NECTIN3: variants seen among roughly 807,000 people sequenced by gnomAD.
NECTIN3 encodes the protein nectin cell adhesion molecule 3, also known as nectin-3.
Under a neutral mutation model 49.4 loss-of-function variants are expected in NECTIN3, and 8 were observed. The ratio of observed to expected loss-of-function variants is 0.16; its 90% CI spans 0.10 to 0.29. NECTIN3 has a LOEUF of 0.29. NECTIN3 is among the 10% of genes least tolerant of loss of function. The probability of loss-of-function intolerance (pLI) is 1.00; values close to 1 mark genes in which losing one functional copy is unlikely to be tolerated. For missense variants in NECTIN3, 581 were observed against 654.6 expected (o/e 0.89, Z 1.23); for synonymous variants, 277 against 241.1 (o/e 1.15, Z -1.38).
chr3:111,153,070 A>AT (rs956928152), intron 7 of NECTIN3, among the ~76,000 whole-genome samples: 4 of 151,900 alleles, frequency 2.6e-5, no homozygotes, highest in Non-Finnish European at 5.9e-5. Context: ...AAGAGTTAAC[A>AT]TTTTTTTCCA....
intron 5 of NECTIN3, among the ~76,000 whole-genome samples, chr3:111,130,078 T>A (rs1464279026): frequency 2.0e-5 from 3 of 150,996 alleles, no homozygotes; most frequent in Non-Finnish European, 4.4e-5. Flanking sequence ...TGCCTCAGCC[T>A]CCCAAGCAGC....
At chr3:111,077,426 C>T (rs1028463414) in intron 1 of NECTIN3, 3 of 209,846 alleles carry the variant, frequency 1.4e-5, no homozygotes, top group African/African-American at 6.9e-5. Context: ...AGGCTTTCAG[C>T]CTAGGTTTTA....
chr3:111,126,406 C>T, intron 5 of NECTIN3, 71 bp downstream of exon 5: 1 of 1,279,744 alleles, frequency 7.8e-7, no homozygotes, highest in Non-Finnish European at 1.1e-6. Flanking sequence ...CAATATGATC[C>T]TAAGCAATAA....
At position 111,136,781 on chromosome 3, in the gene NECTIN3, C is replaced by T. The variant is rs2034592435; in HGVS notation, c.*2566C>T. 1.1e-6 allele frequency: 1 copy of T among 933,776 alleles called. No individual in the cohort carries two copies. The highest frequency in any genetic ancestry group is 1.8e-5 in the African/African-American group (1 of 55,816). The allele number at this position is 933,776 out of a possible 1,614,324, so 57.8% of individuals were successfully genotyped here. A position where few individuals can be genotyped will look rare whatever the true frequency, so the allele number is the denominator to read the frequency against. Reference sequence around the variant, plus strand: ...GTAAATTCACTTGAGAGTTTTCTTTCATACTGGTTAAAATATTTCAATGAT... The same window carrying T: ...GTAAATTCACTTGAGAGTTTTCTTTTATACTGGTTAAAATATTTCAATGAT... On this transcript the variant is annotated 3_prime_UTR_variant, in exon 6 of 6. Coordinates refer to ENST00000485303, the MANE Select transcript of NECTIN3 (RefSeq NM_015480.3).
At chr3:111,190,413 T>G (rs2035794569), upstream of NECTIN3, among the ~76,000 whole-genome samples, 3 of 152,178 alleles carry the variant, frequency 2.0e-5, no homozygotes, top group Admixed American at 1.3e-4. Flanking sequence ...GGTAGAGGGA[T>G]GGAGGAGGAT....
At chr3:111,072,754 A>G (rs2030878750) in intron 1 of NECTIN3, 5 of 609,004 alleles carry the variant, frequency 8.2e-6, no homozygotes, top group Non-Finnish European at 1.1e-5. Context: ...GGAGCTCTCT[A>G]GATTGACCCT....
chr3:111,096,335 CTT>C (rs1055908585), intron 1 of NECTIN3, among the ~76,000 whole-genome samples: 1 of 152,134 alleles, frequency 6.6e-6, no homozygotes, highest in Non-Finnish European at 1.5e-5. Flanking sequence ...CAAGAGGTGA[CTT>C]GGGTGCTATT....
At chr3:111,103,557 G>A (rs2033024997) in intron 1 of NECTIN3, among the ~76,000 whole-genome samples, 1 of 150,692 alleles carries the variant, frequency 6.6e-6, no homozygotes, top group South Asian at 2.1e-4. Context: ...TTTTTGATTA[G>A]AAAGGAAGTT....
chr3:111,137,461 T>C lies in NECTIN3; in HGVS notation c.*3246T>C. The C allele has an allele frequency of 1.0e-6, 1 of 963,146 alleles. No homozygotes were observed. The highest frequency in any genetic ancestry group is 1.2e-6 in the Non-Finnish European group (1 of 812,634). The allele number at this position is 963,146 out of a possible 1,614,324, so 59.7% of individuals were successfully genotyped here. Reference sequence around the variant, plus strand: ...GTGTTTTTTGTTTTGTTTTGTTTTGTTTTGTTTTTTCTTTTTTAACCAACC... The same window carrying C: ...GTGTTTTTTGTTTTGTTTTGTTTTGCTTTGTTTTTTCTTTTTTAACCAACC... On this transcript the variant is annotated 3_prime_UTR_variant, in exon 6 of 6. Coordinates refer to ENST00000485303, the MANE Select transcript of NECTIN3 (RefSeq NM_015480.3).
intron 7 of NECTIN3, among the ~76,000 whole-genome samples, chr3:111,168,631 A>C (rs1291137201): frequency 6.6e-6 from 1 of 152,206 alleles, no homozygotes; most frequent in Non-Finnish European, 1.5e-5. Flanking sequence ...TAATCAATCA[A>C]AGGTGTTTGA....
intron 6 of NECTIN3, chr3:111,147,384 T>G (rs1246043264): frequency 1.1e-5 from 16 of 1,488,570 alleles, no homozygotes; most frequent in Non-Finnish European, 1.4e-5. Context: ...AATCACATAT[T>G]TTAACCTTTG....
intron 1 of NECTIN3, among the ~76,000 whole-genome samples, chr3:111,081,111 G>A (rs932120582): frequency 3.3e-5 from 5 of 152,112 alleles, no homozygotes; most frequent in East Asian, 1.9e-4. Flanking sequence ...CCTCGTCTCT[G>A]CCAATAAATA....
At chr3:111,170,145 C>T (rs1439036565) in intron 7 of NECTIN3, among the ~76,000 whole-genome samples, 1 of 152,108 alleles carries the variant, frequency 6.6e-6, no homozygotes, top group Admixed American at 6.5e-5. Flanking sequence ...AATATTGAAG[C>T]ATAAATCTCC....
At chr3:111,165,619 T>C (rs987633278) in intron 7 of NECTIN3, among the ~76,000 whole-genome samples, 59 of 152,120 alleles carry the variant, frequency 3.9e-4, no homozygotes, top group Non-Finnish European at 7.9e-4. Flanking sequence ...AAGGAAGTCT[T>C]TTTAGTTCTG....
intron 4 of NECTIN3, among the ~76,000 whole-genome samples, chr3:111,122,676 AAG>A (rs1225460734): frequency 2.0e-5 from 3 of 152,150 alleles, no homozygotes; most frequent in Non-Finnish European, 4.4e-5. Flanking sequence ...AAATGTTACT[AAG>A]AGCTAAGTAG....
chr3:111,089,752 G>A (rs945202605), intron 1 of NECTIN3, among the ~76,000 whole-genome samples: 2 of 151,938 alleles, frequency 1.3e-5, no homozygotes, highest in Admixed American at 6.6e-5. Context: ...CTCTCTCCAT[G>A]TATGTATGTG....
At chr3:111,124,313 T>G (rs975659539) in intron 4 of NECTIN3, among the ~76,000 whole-genome samples, 1 of 152,144 alleles carries the variant, frequency 6.6e-6, no homozygotes, top group Non-Finnish European at 1.5e-5. Context: ...TCATAGAGTT[T>G]TTGTGAGGTA....
chr3:111,170,640 A>G (rs532955176), intron 7 of NECTIN3, among the ~76,000 whole-genome samples: 2 of 152,310 alleles, frequency 1.3e-5, no homozygotes, highest in African/African-American at 4.8e-5. Flanking sequence ...ACTAAGAGGA[A>G]GCATCAGAGG....
At chr3:111,074,701 AT>A (rs957748461) in intron 1 of NECTIN3, among the ~76,000 whole-genome samples, 11 of 149,218 alleles carry the variant, frequency 7.4e-5, no homozygotes, top group Admixed American at 6.7e-5. Context: ...AAATTGCCAG[AT>A]TTTTTTTTTG....
Sources: gnomAD v4.1 joint callset for allele counts (sites outside exome capture counted in the v4.1 genomes callset) on GRCh38, gnomAD v4.1.1 for gene constraint, MANE v1.5 for transcripts, NCBI Gene and HGNC (gene_info 2026-07-23, HGNC 2026-07-21) for gene names.